The following GRIP1 variants were observed in gnomAD, a reference collection of about 807,000 sequenced individuals.
GRIP1 encodes glutamate receptor interacting protein 1.
Under a neutral mutation model 129.9 loss-of-function variants are expected in GRIP1, and 45 were observed. That is an observed-to-expected ratio of 0.35 (90% confidence interval 0.27 to 0.44). GRIP1 has a LOEUF of 0.44. Ranked by LOEUF, GRIP1 falls within the 20% of genes least tolerant of loss-of-function variation. GRIP1 has a pLI of 1.00. For missense variants in GRIP1, 1,196 were observed against 1,396.8 expected (o/e 0.86, Z 2.29); for synonymous variants, 530 against 520.8 (o/e 1.02, Z -0.24).
At chr12:66,597,462 G>GGCA (rs1448441070) in intron 1 of GRIP1, among the ~76,000 whole-genome samples, 1 of 152,140 alleles carries the variant, frequency 6.6e-6, no homozygotes, top group Non-Finnish European at 1.5e-5. Flanking sequence ...AGTGTGAACT[G>GGCA]GCAGCCAGTG....
chr12:66,397,065 C>G (rs2056816815), intron 16 of GRIP1, among the ~76,000 whole-genome samples: 1 of 114,648 alleles, frequency 8.7e-6, no homozygotes, highest in Non-Finnish European at 1.6e-5. Flanking sequence ...GAGCTGAGAT[C>G]ATGTCACTGC....
At position 66,580,143 on chromosome 12, in the gene GRIP1, T is replaced by C. The variant is rs938961797; in HGVS notation, c.136+16704A>G. On this transcript the variant is annotated intron_variant, in intron 2 of 24. Coordinates refer to ENST00000359742, the MANE Select transcript of GRIP1 (RefSeq NM_001366722.1). ...AAAGAATTTTCAACCCAGAATTTCATATCCAGCCAAACTAAGCTTCATAAG... is the reference window on the plus strand; with the variant it reads ...AAAGAATTTTCAACCCAGAATTTCACATCCAGCCAAACTAAGCTTCATAAG... Among the ~76,000 whole-genome samples the C allele has an allele frequency of 2.5e-4, 37 of 147,230 alleles. 2 individuals carry two copies. The highest frequency in any genetic ancestry group is 8.7e-4 in the African/African-American group (35 of 40,052).
chr12:66,684,832 AAGACT>A (rs1328442757), intron 1 of GRIP1, among the ~76,000 whole-genome samples: 1 of 152,146 alleles, frequency 6.6e-6, no homozygotes, highest in East Asian at 1.9e-4. Context: ...ATGACAGAGC[AAGACT>A]CTGTCGAAAT....
At chr12:66,892,500 C>A (rs773228351) in intron 1 of GRIP1, among the ~76,000 whole-genome samples, 1 of 152,172 alleles carries the variant, frequency 6.6e-6, no homozygotes. Context: ...AACCATAGTA[C>A]ATCACACAGC....
intron 1 of GRIP1, among the ~76,000 whole-genome samples, chr12:66,801,527 T>A (rs1001849285): frequency 6.6e-6 from 1 of 152,116 alleles, no homozygotes; most frequent in African/African-American, 2.4e-5. Context: ...AGTGATGCTG[T>A]ATTTAAGATG....
intron 1 of GRIP1, among the ~76,000 whole-genome samples, chr12:66,939,663 T>C (rs1234457063): frequency 3.9e-5 from 6 of 152,122 alleles, no homozygotes. Context: ...AGTCATGCCA[T>C]CTTTTACTTA....
At chr12:66,568,085 G>T in intron 2 of GRIP1, 1 of 270,582 alleles carries the variant, frequency 3.7e-6, no homozygotes, top group Non-Finnish European at 7.4e-6. Flanking sequence ...TAAAGTAGGT[G>T]GATGATGGGA....
intron 1 of GRIP1, among the ~76,000 whole-genome samples, chr12:66,942,972 C>T (rs1450698514): frequency 6.6e-6 from 1 of 152,154 alleles, no homozygotes; most frequent in Admixed American, 6.5e-5. Flanking sequence ...CTGCTGCCAC[C>T]TTATCTTGGA....
chr12:66,658,064 C>T (rs982758879), intron 1 of GRIP1, among the ~76,000 whole-genome samples: 2 of 151,984 alleles, frequency 1.3e-5, no homozygotes, highest in Non-Finnish European at 2.9e-5. Context: ...TTAAAGTGTA[C>T]TTATTAGTGA....
intron 14 of GRIP1, among the ~76,000 whole-genome samples, chr12:66,430,523 A>T (rs1385119174): frequency 6.6e-6 from 1 of 152,212 alleles, no homozygotes. Context: ...CATGCAAAAC[A>T]AAACACCATC....
chr12:66,714,583 T>C (rs1301443476), intron 1 of GRIP1, among the ~76,000 whole-genome samples: 1 of 152,092 alleles, frequency 6.6e-6, no homozygotes, highest in African/African-American at 2.4e-5. Context: ...ACTCCCTTTA[T>C]AGTTTTTGGA....
In GRIP1 at chr12:66,969,221, T is replaced by C. The variant is rs111545248; in HGVS notation, c.58+99829A>G. Among the ~76,000 whole-genome samples, 520 of 152,346 alleles carry C rather than the reference T, an allele frequency of 3.4e-3. 3 individuals are homozygous for C. The highest frequency in any genetic ancestry group is 0.011 in the African/African-American group (471 of 41,584). Reference sequence around the variant, plus strand: ...GGAATTTATTCTACTTTGTGTTCTCTGAGCTTCCTGGATCTGAATTTAGGT... The same window carrying C: ...GGAATTTATTCTACTTTGTGTTCTCCGAGCTTCCTGGATCTGAATTTAGGT... On this transcript the variant is annotated intron_variant, in intron 1 of 1. Coordinates refer to the GRIP1 transcript ENST00000643019.
Position 66,498,204 on chromosome 12 carries a change from T to A in GRIP1, c.724+17415A>T, listed in dbSNP as rs543639865. Among the ~76,000 whole-genome samples the A allele has an allele frequency of 1.0e-3, 159 of 152,270 alleles. 1 individual carries two copies. The highest frequency in any genetic ancestry group is 3.3e-3 in the Admixed American group (51 of 15,294). On this transcript the variant is annotated intron_variant, in intron 7 of 24. Coordinates refer to ENST00000359742, the MANE Select transcript of GRIP1 (RefSeq NM_001366722.1). ...TGCTCACACAAAGCCTGTTTGGTGG[T>A]CTCTTCACACAGACGCGCATGAAAG...
intron 1 of GRIP1, among the ~76,000 whole-genome samples, chr12:66,654,053 A>G (rs2032984332): frequency 6.6e-6 from 1 of 152,180 alleles, no homozygotes; most frequent in Non-Finnish European, 1.5e-5. Context: ...TGTGGTCACC[A>G]CTCAGCACTG....
intron 1 of GRIP1, among the ~76,000 whole-genome samples, chr12:66,971,546 C>A (rs561165760): frequency 2.0e-5 from 3 of 152,140 alleles, no homozygotes; most frequent in Non-Finnish European, 4.4e-5. Context: ...TGGATAGCAA[C>A]TGGATAGTAA....
chr12:67,044,645 C>T (rs79178787), intron 1 of GRIP1, among the ~76,000 whole-genome samples: 4,867 of 152,150 alleles, frequency 0.032, 261 homozygotes, highest in African/African-American at 0.11. Context: ...CATTCTGCTG[C>T]GCTCAAGCTG....
chr12:66,923,963 G>A (rs577881958), intron 1 of GRIP1, among the ~76,000 whole-genome samples: 2 of 152,182 alleles, frequency 1.3e-5, no homozygotes, highest in South Asian at 4.2e-4. Context: ...TCCTGCCTCA[G>A]CCTCCCGAGT....
At chr12:66,415,651 C>T (rs1406200490) in intron 15 of GRIP1, among the ~76,000 whole-genome samples, 2 of 152,064 alleles carry the variant, frequency 1.3e-5, no homozygotes, top group Non-Finnish European at 2.9e-5. Context: ...TTCACAATAG[C>T]AAATACATGG....
intron 2 of GRIP1, among the ~76,000 whole-genome samples, chr12:66,545,215 T>G (rs905856338): frequency 1.1e-4 from 17 of 152,320 alleles, no homozygotes; most frequent in African/African-American, 4.1e-4. Flanking sequence ...CATTACTTAC[T>G]CAACATAACT....
Sources: allele counts gnomAD v4.1 joint callset (sites outside exome capture counted in the v4.1 genomes callset), GRCh38; gene constraint gnomAD v4.1.1; transcripts MANE v1.5; gene names NCBI Gene and HGNC (gene_info 2026-07-23, HGNC 2026-07-21).